Variants in CNTNAP5 observed in about 807,000 individuals in gnomAD.
CNTNAP5 encodes contactin-associated protein-like 5.
In CNTNAP5, 72 loss-of-function variants were observed where a neutral mutation model predicts 150.2. The observed-to-expected ratio is 0.48, with a 90% CI of 0.40 to 0.58. CNTNAP5 has a LOEUF of 0.58. Among genes scored for constraint, CNTNAP5 ranks in the 20% least tolerant of loss-of-function variants. The pLI, the probability that CNTNAP5 is intolerant of heterozygous loss-of-function variation, is 0.00. For synonymous variants in CNTNAP5, 672 were observed against 619.8 expected (o/e 1.08, Z -1.25); for missense variants, 1,636 against 1,626.2 (o/e 1.01, Z -0.10).
intron 21 of CNTNAP5, among the ~76,000 whole-genome samples, chr2:124,890,495 C>T (rs1047400563): frequency 6.6e-6 from 1 of 152,098 alleles, no homozygotes; most frequent in Non-Finnish European, 1.5e-5. Flanking sequence ...TCTGCCACCA[C>T]CCTATCAGTG....
At chr2:124,853,163 G>A (rs1324684613) in intron 19 of CNTNAP5, among the ~76,000 whole-genome samples, 1 of 152,212 alleles carries the variant, frequency 6.6e-6, no homozygotes, top group African/African-American at 2.4e-5. Flanking sequence ...TTATCCCTCA[G>A]TGGTGGTCCA....
At chr2:124,776,908 T>G (rs74911396) in intron 17 of CNTNAP5, among the ~76,000 whole-genome samples, 10,913 of 152,226 alleles carry the variant, frequency 0.072, 648 homozygotes, top group Middle Eastern at 0.16. Context: ...CCCATAAAAG[T>G]GTATTTTTTT....
intron 12 of CNTNAP5, among the ~76,000 whole-genome samples, chr2:124,619,842 CATATATAT>C (rs58774096): frequency 0.015 from 1,468 of 98,358 alleles, 24 homozygotes; most frequent in African/African-American, 0.03. Context: ...CTGTCTCATT[CATATATAT>C]ATATATATAT....
intron 8 of CNTNAP5, among the ~76,000 whole-genome samples, chr2:124,507,423 C>A (rs1044449496): frequency 7.9e-5 from 12 of 152,096 alleles, no homozygotes; most frequent in African/African-American, 2.9e-4. Flanking sequence ...CACGCCGCTG[C>A]ACTCCAGCTT....
chr2:124,142,648 A>G (rs1269611197), intron 1 of CNTNAP5, among the ~76,000 whole-genome samples: 77 of 133,770 alleles, frequency 5.8e-4, no homozygotes, highest in African/African-American at 2.1e-3. Context: ...CAGTGTGTAG[A>G]GGGAAATTTA....
At chr2:124,746,532 A>G (rs1348225008) in intron 13 of CNTNAP5, among the ~76,000 whole-genome samples, 1 of 152,142 alleles carries the variant, frequency 6.6e-6, no homozygotes, top group Non-Finnish European at 1.5e-5. Context: ...CTTTGAGCTT[A>G]GAACTAATGA....
chr2:124,636,654 C>G (rs10199562), intron 12 of CNTNAP5, among the ~76,000 whole-genome samples: 76,893 of 148,962 alleles, frequency 0.52, 20,765 homozygotes, highest in Non-Finnish European at 0.62. Flanking sequence ...GTGTGTGTGT[C>G]TGTGTGTGTC....
chr2:124,644,920 A>G (rs1488361092), intron 12 of CNTNAP5, among the ~76,000 whole-genome samples: 1 of 152,136 alleles, frequency 6.6e-6, no homozygotes, highest in Non-Finnish European at 1.5e-5. Flanking sequence ...ACACACACAC[A>G]CACACACTGT....
intron 1 of CNTNAP5, among the ~76,000 whole-genome samples, chr2:124,098,891 C>T (rs1002112685): frequency 5.9e-5 from 9 of 152,156 alleles, no homozygotes; most frequent in African/African-American, 2.4e-5. Flanking sequence ...CCTGTGGACG[C>T]AGCATCACTT....
At chr2:124,448,137 T>A (rs1233819900) in intron 6 of CNTNAP5, among the ~76,000 whole-genome samples, 2 of 151,968 alleles carry the variant, frequency 1.3e-5, no homozygotes, top group African/African-American at 4.8e-5. Flanking sequence ...GCATGGTGGC[T>A]CGCGCCTGTA....
At chr2:124,659,379 G>A (rs917411892) in intron 13 of CNTNAP5, among the ~76,000 whole-genome samples, 2 of 152,032 alleles carry the variant, frequency 1.3e-5, no homozygotes, top group Non-Finnish European at 2.9e-5. Context: ...CCTAAAACTG[G>A]TAAATCATTA....
intron 3 of CNTNAP5, among the ~76,000 whole-genome samples, chr2:124,414,012 T>C (rs1691850467): frequency 6.6e-6 from 1 of 151,886 alleles, no homozygotes; most frequent in African/African-American, 2.4e-5. Context: ...GCTATTTCTT[T>C]AGTTGTATGT....
chr2:124,443,851 T>TGTGTGA (rs1369633267), intron 5 of CNTNAP5, among the ~76,000 whole-genome samples: 5 of 143,618 alleles, frequency 3.5e-5, no homozygotes, highest in African/African-American at 1.0e-4. Context: ...TGTGTGTGTG[T>TGTGTGA]GATGTATAAT....
At chr2:124,145,809 C>T (rs935961509) in intron 1 of CNTNAP5, among the ~76,000 whole-genome samples, 1 of 9,594 alleles carries the variant, frequency 1.0e-4, no homozygotes, top group Non-Finnish European at 1.8e-4. Context: ...AAAAAAAAAA[C>T]ATTAAAAAAA....
At chr2:124,166,669 C>T (rs1323572218) in intron 1 of CNTNAP5, among the ~76,000 whole-genome samples, 1 of 152,188 alleles carries the variant, frequency 6.6e-6, no homozygotes, top group Non-Finnish European at 1.5e-5. Flanking sequence ...AAAGAAAGAT[C>T]TCTACTATTT....
chr2:124,254,614 G>A (rs537160540), intron 3 of CNTNAP5, among the ~76,000 whole-genome samples: 1 of 152,290 alleles, frequency 6.6e-6, no homozygotes, highest in African/African-American at 2.4e-5. Flanking sequence ...TTAAGCCACT[G>A]GCATTTTGTT....
intron 3 of CNTNAP5, among the ~76,000 whole-genome samples, chr2:124,399,508 A>T (rs1691349764): frequency 6.6e-6 from 1 of 152,158 alleles, no homozygotes; most frequent in South Asian, 2.1e-4. Context: ...CTGCTGGTGT[A>T]GACGTTCATC....
chr2:124,380,034 A>G (rs1184044324), intron 3 of CNTNAP5, among the ~76,000 whole-genome samples: 1 of 152,136 alleles, frequency 6.6e-6, no homozygotes, highest in Non-Finnish European at 1.5e-5. Flanking sequence ...ATTCTCTGTG[A>G]TTCTAAACAC....
At chr2:124,297,255 T>C (rs1300070234) in intron 3 of CNTNAP5, among the ~76,000 whole-genome samples, 1 of 152,232 alleles carries the variant, frequency 6.6e-6, no homozygotes, top group African/African-American at 2.4e-5. Flanking sequence ...CTGGTCAATA[T>C]GCCTGGTTCT....
Sources: allele counts gnomAD v4.1 joint callset (sites outside exome capture counted in the v4.1 genomes callset), GRCh38; gene constraint gnomAD v4.1.1; transcripts MANE v1.5; gene names NCBI Gene and HGNC (gene_info 2026-07-23, HGNC 2026-07-21).